The following PPP2R2A variants were observed in gnomAD, a reference collection of about 807,000 sequenced individuals.
PPP2R2A encodes protein phosphatase 2 regulatory subunit Balpha.
PPP2R2A carries 9 observed loss-of-function variants against 53.2 expected under a neutral mutation model. The observed-to-expected ratio is 0.17, with a 90% confidence interval of 0.10 to 0.30. The LOEUF (loss-of-function observed/expected upper bound fraction) is 0.30. Among genes scored for constraint, PPP2R2A ranks in the 10% least tolerant of loss-of-function variants. The probability of loss-of-function intolerance (pLI) is 1.00; values close to 1 mark genes in which losing one functional copy is unlikely to be tolerated. For synonymous variants in PPP2R2A, 169 were observed against 174.2 expected (o/e 0.97, Z 0.23); for missense variants, 235 against 534.6 (o/e 0.44, Z 5.53).
At chr8:26,311,069 A>G (rs1004345255) in intron 2 of PPP2R2A, among the ~76,000 whole-genome samples, 1 of 152,142 alleles carries the variant, frequency 6.6e-6, no homozygotes, top group Non-Finnish European at 1.5e-5. Flanking sequence ...TTGTTCAAGC[A>G]AAGGAAACCA....
rs146031859 is a variant in PPP2R2A at position 26,358,742 on chromosome 8, T to C, written c.347-1427T>C. On this transcript the variant is annotated intron_variant, in intron 4 of 9. Transcript: ENST00000380737. Reference sequence around the variant, plus strand: ...TGCTTTTCTATAAGAAAAACTGTTATACAATTGTAACAGTTTTAAATCAAC... The same window carrying C: ...TGCTTTTCTATAAGAAAAACTGTTACACAATTGTAACAGTTTTAAATCAAC... 2.3e-3 allele frequency among the ~76,000 whole-genome samples: 357 copies of C among 152,340 alleles called. 1 individual carries two copies. The highest frequency in any genetic ancestry group is 4.6e-3 in the African/African-American group (190 of 41,582).
intron 9 of PPP2R2A, among the ~76,000 whole-genome samples, chr8:26,367,838 C>T (rs932563324): frequency 1.3e-5 from 2 of 152,200 alleles, no homozygotes; most frequent in African/African-American, 4.8e-5. Flanking sequence ...GTAACTATGT[C>T]CTTTATGGCA....
At chr8:26,340,025 G>A (rs1803864139) in intron 3 of PPP2R2A, 1 of 152,026 alleles carries the variant, frequency 6.6e-6, no homozygotes, top group South Asian at 2.1e-4. Context: ...ATTAGAAGAT[G>A]CACAAACACT....
At chr8:26,308,666 C>T (rs941230280) in intron 2 of PPP2R2A, among the ~76,000 whole-genome samples, 3 of 152,246 alleles carry the variant, frequency 2.0e-5, no homozygotes, top group South Asian at 2.1e-4. Flanking sequence ...TTGAGCCCCT[C>T]GGAGTTATCC....
At chr8:26,293,599 A>T in intron 1 of PPP2R2A, 67 bp from the exon 2 acceptor site, 4 of 1,463,944 alleles carry the variant, frequency 2.7e-6, no homozygotes, top group Non-Finnish European at 3.8e-6. Context: ...CATGGATACC[A>T]TCTTTGTGTT....
chr8:26,327,950 C>T (rs1345387517), intron 2 of PPP2R2A, among the ~76,000 whole-genome samples: 3 of 152,116 alleles, frequency 2.0e-5, no homozygotes, highest in Non-Finnish European at 4.4e-5. Flanking sequence ...CGGAATGTTT[C>T]GACAGTAGAC....
At chr8:26,368,587 C>T (rs913229400) in intron 9 of PPP2R2A, among the ~76,000 whole-genome samples, 1 of 152,156 alleles carries the variant, frequency 6.6e-6, no homozygotes, top group African/African-American at 2.4e-5. Context: ...AAATGATGTT[C>T]TGTTAAGAAA....
intron 2 of PPP2R2A, among the ~76,000 whole-genome samples, chr8:26,309,499 C>T (rs995808495): frequency 3.9e-5 from 6 of 152,082 alleles, no homozygotes; most frequent in Non-Finnish European, 8.8e-5. Flanking sequence ...CTGCATTAGC[C>T]CCTAACAAAA....
intron 3 of PPP2R2A, among the ~76,000 whole-genome samples, chr8:26,340,134 A>G (rs1283837181): frequency 1.3e-5 from 2 of 152,016 alleles, no homozygotes; most frequent in African/African-American, 4.8e-5. Flanking sequence ...GTGGGGGGCT[A>G]AATCAGTTTT....
intron 2 of PPP2R2A, among the ~76,000 whole-genome samples, chr8:26,337,275 T>G (rs957717286): frequency 1.3e-5 from 2 of 152,210 alleles, no homozygotes; most frequent in African/African-American, 4.8e-5. Context: ...CAGCAAATTA[T>G]CAATGCTGTA....
chr8:26,356,969 T>C (rs1804814621), intron 4 of PPP2R2A, among the ~76,000 whole-genome samples: 1 of 152,218 alleles, frequency 6.6e-6, no homozygotes, highest in Non-Finnish European at 1.5e-5. Flanking sequence ...GAATGCATTG[T>C]AGATTTTTGT....
intron 2 of PPP2R2A, among the ~76,000 whole-genome samples, chr8:26,303,456 A>C (rs1351713104): frequency 6.6e-6 from 1 of 152,134 alleles, no homozygotes; most frequent in Non-Finnish European, 1.5e-5. Context: ...TTTGAGCCCA[A>C]CTTGTAGCAG....
intron 2 of PPP2R2A, among the ~76,000 whole-genome samples, chr8:26,310,334 G>A (rs1585336319): frequency 7.4e-6 from 1 of 135,232 alleles, no homozygotes; most frequent in African/African-American, 2.8e-5. Context: ...AAGTATGCCT[G>A]TATAATCTCG....
intron 2 of PPP2R2A, among the ~76,000 whole-genome samples, chr8:26,303,791 G>A (rs1161491930): frequency 6.6e-6 from 1 of 152,100 alleles, no homozygotes; most frequent in Non-Finnish European, 1.5e-5. Context: ...GAATATGAAT[G>A]TTTTTAGTTA....
At chr8:26,303,973 T>C (rs1801902946) in intron 2 of PPP2R2A, among the ~76,000 whole-genome samples, 1 of 152,178 alleles carries the variant, frequency 6.6e-6, no homozygotes, top group Non-Finnish European at 1.5e-5. Flanking sequence ...CCAGATGGAG[T>C]TTTCTCTTCT....
chr8:26,317,791 T>C (rs1802632217), intron 2 of PPP2R2A, among the ~76,000 whole-genome samples: 1 of 152,180 alleles, frequency 6.6e-6, no homozygotes, highest in South Asian at 2.1e-4. Flanking sequence ...TGACCATTGG[T>C]GGCAGAGAGG....
chr8:26,307,955 A>T (rs1170799191), intron 2 of PPP2R2A, among the ~76,000 whole-genome samples: 1 of 152,374 alleles, frequency 6.6e-6, no homozygotes, highest in African/African-American at 2.4e-5. Context: ...ATATAGGCAT[A>T]CGTCAGAAAT....
At position 26,360,828 on chromosome 8, in the gene PPP2R2A, C is replaced by T; in HGVS notation, c.460-146C>T. On this transcript the variant is annotated intron_variant, in intron 5 of 9. Coordinates refer to ENST00000380737, the MANE Select transcript of PPP2R2A (RefSeq NM_002717.4). The surrounding 1 kb of genome is among the most constrained non-coding windows in gnomAD (Gnocchi z 4.5). ...TTTCTTCAGCACTCGAAAGGATCAA[C>T]ATCAGTTGCTTTTTAAAACTAAATC... 1.5e-6 allele frequency: 1 copy of T among 677,058 alleles called. No homozygotes were observed. The highest frequency in any genetic ancestry group is 4.2e-4 in the Middle Eastern group (1 of 2,392). 41.9% of individuals were successfully genotyped at this position (677,058 alleles called of 1,614,324 possible).
At chr8:26,311,078 C>A (rs745375296) in intron 2 of PPP2R2A, among the ~76,000 whole-genome samples, 1 of 151,942 alleles carries the variant, frequency 6.6e-6, no homozygotes, top group East Asian at 1.9e-4. Flanking sequence ...CAAAGGAAAC[C>A]AGAGAGTAAG....
Sources: allele counts gnomAD v4.1 joint callset (sites outside exome capture counted in the v4.1 genomes callset), GRCh38; gene constraint gnomAD v4.1.1; non-coding constraint Gnocchi (gnomAD v3.1); transcripts MANE v1.5; gene names NCBI Gene and HGNC (gene_info 2026-07-23, HGNC 2026-07-21).